The following TWF1 variants were observed in gnomAD, a reference collection of about 807,000 sequenced individuals.
TWF1 encodes twinfilin-1.
Under a neutral mutation model 47.9 loss-of-function variants are expected in TWF1, and 14 were observed. The ratio of observed to expected loss-of-function variants is 0.29; its 90% CI spans 0.19 to 0.46. The LOEUF is 0.46. Among genes scored for constraint, TWF1 ranks in the 20% least tolerant of loss-of-function variants. The pLI is 1.00. For synonymous variants in TWF1, 96 were observed against 139.2 expected (o/e 0.69, Z 2.18); for missense variants, 281 against 409.3 (o/e 0.69, Z 2.70).
chr12:43,805,331 T>C (rs1942739139), intron 1 of TWF1, among the ~76,000 whole-genome samples: 1 of 152,224 alleles, frequency 6.6e-6, no homozygotes. Flanking sequence ...TTTGAGACTA[T>C]TTTGCTTCTG....
intron 3 of TWF1, among the ~76,000 whole-genome samples, chr12:43,801,638 T>C (rs1183227507): frequency 6.6e-6 from 1 of 152,188 alleles, no homozygotes; most frequent in African/African-American, 2.4e-5. Flanking sequence ...CAAAATTTAA[T>C]ATTATGTTCA....
chr12:43,802,520 G>A (rs1222649935), intron 2 of TWF1, 56 bp from the exon 3 acceptor site: 1 of 1,254,430 alleles, frequency 8.0e-7, no homozygotes, highest in African/African-American at 1.5e-5. Flanking sequence ...TCAAGTGGTA[G>A]TGTGATGAAG....
intron 8 of TWF1, among the ~76,000 whole-genome samples, chr12:43,796,570 A>C (rs900922828): frequency 7.9e-5 from 12 of 152,110 alleles, no homozygotes; most frequent in African/African-American, 2.9e-4. Flanking sequence ...ATTCCTTATT[A>C]ATATGCAGTA....
intron 8 of TWF1, 122 bp from the exon 9 acceptor site, chr12:43,795,877 T>G (rs1012918686): frequency 1.1e-6 from 1 of 888,644 alleles, no homozygotes; most frequent in African/African-American, 1.7e-5. Context: ...AAGGACCATA[T>G]GTAAACAGTT....
intron 8 of TWF1, 111 bp downstream of exon 8, chr12:43,796,865 A>G (rs935991001): frequency 5.8e-6 from 7 of 1,199,684 alleles, no homozygotes; most frequent in African/African-American, 3.1e-5. Flanking sequence ...ATTTAGGATG[A>G]TAACAAGAAA....
intron 1 of TWF1, chr12:43,805,540 T>G (rs1402336253): frequency 2.2e-6 from 1 of 458,036 alleles, no homozygotes; most frequent in African/African-American, 2.0e-5. Context: ...GCTGCCCAAT[T>G]TCAAACCAGG....
chr12:43,805,760 T>C, intron 1 of TWF1: 1 of 1,338,034 alleles, frequency 7.5e-7, no homozygotes, highest in Non-Finnish European at 9.9e-7. Flanking sequence ...GTGAGAAAGA[T>C]TCTGGCATGG....
intron 1 of TWF1, chr12:43,805,858 C>T (rs773171178): frequency 1.4e-6 from 2 of 1,419,052 alleles, no homozygotes; most frequent in Admixed American, 3.7e-5. Flanking sequence ...ACTGAAGCCC[C>T]AGTCGCCTCC....
intron 1 of TWF1, chr12:43,805,733 G>A (rs1483419366): frequency 4.1e-6 from 5 of 1,217,072 alleles, no homozygotes; most frequent in African/African-American, 1.5e-5. Context: ...AGAGTTTTGG[G>A]AAGCACCCCT....
chr12:43,806,085 C>G, intron 1 of TWF1, 136 bp downstream of exon 1: 3 of 1,518,740 alleles, frequency 2.0e-6, no homozygotes, highest in Non-Finnish European at 2.6e-6. Flanking sequence ...GGAGAGGCGC[C>G]GAGGCCCGGC....
At chr12:43,801,307 G>C (rs1942657314) in intron 3 of TWF1, among the ~76,000 whole-genome samples, 1 of 152,142 alleles carries the variant, frequency 6.6e-6, no homozygotes, top group South Asian at 2.1e-4. Context: ...AGTATCTATG[G>C]AAAGCTACTA....
In TWF1 at chr12:43,804,586, TAAAG is replaced by T. The variant is rs1565702488; in HGVS notation, c.26-18_26-15del. On this transcript the variant is annotated splice_polypyrimidine_tract_variant and intron_variant, in intron 1 of 8. Coordinates refer to ENST00000395510, the MANE Select transcript of TWF1 (RefSeq NM_002822.5). ...CATCTTCACTTGCTGTGGAAAAAGA[TAAAG>T]AAAGTAAACTTTTTATACTTACATA... 2.6e-6 allele frequency: 4 copies of T among 1,565,988 alleles called. No homozygotes were observed. Among genetic ancestry groups the T allele is most frequent in the Admixed American group, 3.7e-5 (2 of 54,202 alleles).
intron 3 of TWF1, among the ~76,000 whole-genome samples, chr12:43,801,235 C>T (rs1298208303): frequency 6.6e-6 from 1 of 152,084 alleles, no homozygotes; most frequent in Non-Finnish European, 1.5e-5. Context: ...TCACGGCTTA[C>T]CGATGGCACA....
Position 43,795,445 on chromosome 12 carries a change from C to G in TWF1, c.*140G>C. 1.5e-6 allele frequency: 1 copy of G among 652,966 alleles called. No homozygotes were observed. The allele number at this position is 652,966 out of a possible 1,614,324, so 40.4% of individuals were successfully genotyped here. A position where few individuals can be genotyped will look rare whatever the true frequency, so the allele number is the denominator to read the frequency against. On this transcript the variant is annotated 3_prime_UTR_variant, in exon 9 of 9. Coordinates refer to ENST00000395510, the MANE Select transcript of TWF1 (RefSeq NM_002822.5). Reference sequence around the variant, plus strand: ...TCTTCTATAACATTAATTTTAAAAACACACAGAAGTGAAAAGTGCTATTTT... The same window carrying G: ...TCTTCTATAACATTAATTTTAAAAAGACACAGAAGTGAAAAGTGCTATTTT...
At chr12:43,802,584 A>T in intron 2 of TWF1, 120 bp from the exon 3 acceptor site, 1 of 752,956 alleles carries the variant, frequency 1.3e-6, no homozygotes, top group Non-Finnish European at 2.2e-6. Flanking sequence ...CACATCAAAA[A>T]GTTGAAAAGA....
intron 7 of TWF1, 74 bp from the exon 8 acceptor site, chr12:43,797,171 T>G: frequency 6.7e-7 from 1 of 1,491,778 alleles, no homozygotes; most frequent in Middle Eastern, 1.9e-4. Flanking sequence ...TATATAAACT[T>G]CATAAAAACA....
chr12:43,804,981 T>C (rs1942731029), intron 1 of TWF1, among the ~76,000 whole-genome samples: 1 of 152,260 alleles, frequency 6.6e-6, no homozygotes, highest in Admixed American at 6.5e-5. Flanking sequence ...ATTCACTTTC[T>C]GTATTTTCCC....
intron 2 of TWF1, 72 bp from the exon 3 acceptor site, chr12:43,802,536 A>G (rs1242850045): frequency 9.3e-7 from 1 of 1,078,240 alleles, no homozygotes; most frequent in East Asian, 2.6e-5. Context: ...TGAAGACTAG[A>G]AAAATAAATA....
At chr12:43,800,846 G>C (rs1200738612) in intron 3 of TWF1, among the ~76,000 whole-genome samples, 2 of 152,100 alleles carry the variant, frequency 1.3e-5, no homozygotes, top group South Asian at 4.1e-4. Flanking sequence ...TGCCTCCCAG[G>C]TTCAAGTGGT....
Sources: gnomAD v4.1 joint callset for allele counts (sites outside exome capture counted in the v4.1 genomes callset) on GRCh38, gnomAD v4.1.1 for gene constraint, MANE v1.5 for transcripts, NCBI Gene and HGNC (gene_info 2026-07-23, HGNC 2026-07-21) for gene names.